The following SNCAIP variants were observed in gnomAD, a reference collection of about 807,000 sequenced individuals.
The protein encoded by SNCAIP is synuclein alpha interacting protein.
In SNCAIP, 43 loss-of-function variants were observed where a neutral mutation model predicts 86.7. The ratio of observed to expected loss-of-function variants is 0.50; its 90% CI spans 0.39 to 0.64. The LOEUF is 0.64. Ranked by LOEUF, SNCAIP falls within the 30% of genes least tolerant of loss-of-function variation. SNCAIP has a pLI of 0.00. For synonymous variants in SNCAIP, 417 were observed against 427.2 expected (o/e 0.98, Z 0.29); for missense variants, 981 against 1,103.1 (o/e 0.89, Z 1.57).
At chr5:122,365,382 T>A (rs950130147) in intron 1 of SNCAIP, among the ~76,000 whole-genome samples, 2 of 152,182 alleles carry the variant, frequency 1.3e-5, no homozygotes, top group Admixed American at 1.3e-4. Context: ...TGGCTTCTTA[T>A]AGAAAGATCC....
intron 10 of SNCAIP, among the ~76,000 whole-genome samples, chr5:122,458,774 A>C (rs1156584410): frequency 1.3e-5 from 2 of 152,176 alleles, no homozygotes; most frequent in Non-Finnish European, 2.9e-5. Flanking sequence ...ACTCAGGGAG[A>C]TCATAATCAA....
rs1449629142 is a variant in SNCAIP, at chr5:122,444,643, G to A, written c.1503G>A (p.Gly501=). 3.1e-6 allele frequency: 5 copies of A among 1,614,012 alleles called. No homozygotes were observed. Among genetic ancestry groups the A allele is most frequent in the South Asian group, 2.2e-5 (2 of 91,084 alleles). Residue 501 remains glycine, a synonymous_variant, in exon 8 of 11, where the codon GGG becomes GGA. Transcript: ENST00000261368. ...EKPSQSAERQ[G]HTLCSRYLVV... ...CCTCCCAGAGCGCCGAGCGGCAGGG[G>A]CACACCCTGTGCTCCAGGTACCTGG...
In SNCAIP at chr5:122,450,902, T is replaced by G. The variant is rs1490287688; in HGVS notation, c.2055T>G (p.Ser685=). Residue 685 remains serine (S), a synonymous_variant, in exon 10 of 11, where the codon TCT becomes TCG. Coordinates refer to ENST00000261368, the MANE Select transcript of SNCAIP (RefSeq NM_005460.4). ...AGTCTGACACAGACTCCAACAACTCTGAGGACCCCAAGACTACCCCAGTGA... is the reference window on the plus strand; with the variant it reads ...AGTCTGACACAGACTCCAACAACTCGGAGGACCCCAAGACTACCCCAGTGA... The part of the protein sequence containing the change: ...LSESDTDSNN[S]EDPKTTPVRK... 5.0e-6 allele frequency: 8 copies of G among 1,614,048 alleles called. No individual in the cohort carries two copies. The highest frequency in any genetic ancestry group is 6.8e-6 in the Non-Finnish European group (8 of 1,179,994).
At chr5:122,376,176 A>G (rs1316937322) in intron 1 of SNCAIP, among the ~76,000 whole-genome samples, 1 of 152,110 alleles carries the variant, frequency 6.6e-6, no homozygotes, top group African/African-American at 2.4e-5. Flanking sequence ...ATTGCTCCAA[A>G]GTTTAATCCT....
chr5:122,376,820 A>T (rs1765419455), intron 1 of SNCAIP, among the ~76,000 whole-genome samples: 1 of 152,148 alleles, frequency 6.6e-6, no homozygotes, highest in Non-Finnish European at 1.5e-5. Context: ...AAAAGGTGTA[A>T]AATTGGTCAG....
chr5:122,380,568 C>A (rs1311005726), intron 1 of SNCAIP, among the ~76,000 whole-genome samples: 4 of 149,546 alleles, frequency 2.7e-5, no homozygotes, highest in Non-Finnish European at 5.9e-5. Context: ...TTAGTTATTT[C>A]TTGCCTTCTG....
intron 10 of SNCAIP, among the ~76,000 whole-genome samples, chr5:122,463,017 T>C (rs1414645520): frequency 6.6e-6 from 1 of 152,246 alleles, no homozygotes; most frequent in Non-Finnish European, 1.5e-5. Context: ...TATCTACTTA[T>C]GATCTTTCAA....
chr5:122,317,372 C>T (rs1751975817), intron 1 of SNCAIP, among the ~76,000 whole-genome samples: 1 of 152,166 alleles, frequency 6.6e-6, no homozygotes, highest in Non-Finnish European at 1.5e-5. Context: ...TTCTTTTCTT[C>T]ATGGTGGCAA....
chr5:122,317,225 A>G (rs552309089), intron 1 of SNCAIP, among the ~76,000 whole-genome samples: 2 of 152,330 alleles, frequency 1.3e-5, no homozygotes, highest in African/African-American at 4.8e-5. Flanking sequence ...ATTGAGACAC[A>G]GTTGTCTTTC....
intron 1 of SNCAIP, among the ~76,000 whole-genome samples, chr5:122,379,677 T>A (rs1438412784): frequency 6.6e-6 from 1 of 152,010 alleles, no homozygotes; most frequent in Non-Finnish European, 1.5e-5. Flanking sequence ...GCTGTGAGTT[T>A]GTCATAGATA....
At chr5:122,330,113 A>ATTTTTTTTTTTTTTTTTT (rs1387266417) in intron 1 of SNCAIP, among the ~76,000 whole-genome samples, 3 of 120,360 alleles carry the variant, frequency 2.5e-5, no homozygotes, top group Non-Finnish European at 5.0e-5. Flanking sequence ...GTACAACTTC[A>ATTTTTTTTTTTTTTTTTT]TTTCTTTTTT....
chr5:122,316,899 C>T (rs1429941939), intron 1 of SNCAIP, among the ~76,000 whole-genome samples: 1 of 152,210 alleles, frequency 6.6e-6, no homozygotes, highest in Admixed American at 6.5e-5. Flanking sequence ...GTCTGAACAG[C>T]ATACACAGCT....
intron 7 of SNCAIP, among the ~76,000 whole-genome samples, chr5:122,442,144 G>A (rs897179300): frequency 2.6e-5 from 2 of 75,850 alleles, no homozygotes; most frequent in Non-Finnish European, 5.1e-5. Flanking sequence ...TGGCTTACAC[G>A]TGTGTTATTT....
At chr5:122,438,152 T>C (rs1311661406) in intron 6 of SNCAIP, among the ~76,000 whole-genome samples, 1 of 152,196 alleles carries the variant, frequency 6.6e-6, no homozygotes, top group Admixed American at 6.5e-5. Flanking sequence ...AGCAGGTCCT[T>C]ACATTAACCT....
At chr5:122,366,305 G>C (rs867847099) in intron 1 of SNCAIP, among the ~76,000 whole-genome samples, 1 of 152,206 alleles carries the variant, frequency 6.6e-6, no homozygotes, top group Non-Finnish European at 1.5e-5. Context: ...ACAGTTACAG[G>C]AGCTGATGAC....
At chr5:122,403,911 A>G (rs1304969186) in intron 3 of SNCAIP, 46 bp downstream of exon 3, 3 of 1,441,150 alleles carry the variant, frequency 2.1e-6, no homozygotes, top group Non-Finnish European at 2.9e-6. Context: ...GCTCAGTGTT[A>G]ATGGCTCCTG....
At chr5:122,324,322 C>T (rs1753583305) in intron 1 of SNCAIP, among the ~76,000 whole-genome samples, 1 of 152,148 alleles carries the variant, frequency 6.6e-6, no homozygotes, top group Admixed American at 6.5e-5. Context: ...TGCTGGGGAC[C>T]AGGATCACCA....
chr5:122,336,593 GTTTTC>G (rs1475809774), intron 1 of SNCAIP, among the ~76,000 whole-genome samples: 2 of 152,182 alleles, frequency 1.3e-5, no homozygotes, highest in Non-Finnish European at 2.9e-5. Context: ...AAGGCAAGGT[GTTTTC>G]TTTTCATTGT....
At chr5:122,345,389 A>G (rs996449888) in intron 1 of SNCAIP, among the ~76,000 whole-genome samples, 4 of 152,302 alleles carry the variant, frequency 2.6e-5, no homozygotes, top group South Asian at 2.1e-4. Flanking sequence ...CCTGGGATAT[A>G]TAAAAAGTCC....
Sources: allele counts gnomAD v4.1 joint callset (sites outside exome capture counted in the v4.1 genomes callset), GRCh38; gene constraint gnomAD v4.1.1; transcripts MANE v1.5; gene names NCBI Gene and HGNC (gene_info 2026-07-23, HGNC 2026-07-21).